DCAF12: variants seen among roughly 807,000 people sequenced by gnomAD.
The protein encoded by DCAF12 is DDB1- and CUL4-associated factor 12.
In DCAF12, 28 loss-of-function variants were observed where a neutral mutation model predicts 52.8. That is an observed-to-expected ratio of 0.53 (90% CI 0.39 to 0.73). DCAF12 has a LOEUF of 0.73. Ranked by LOEUF, DCAF12 falls within the 30% of genes least tolerant of loss-of-function variation. The probability of loss-of-function intolerance (pLI) is 0.00; values close to 1 mark genes in which losing one functional copy is unlikely to be tolerated. For missense variants in DCAF12, 425 were observed against 552.2 expected, an observed-to-expected ratio of 0.77 and a Z score of 2.31; for synonymous variants, 196 against 215.5, an observed-to-expected ratio of 0.91 and a Z score of 0.79.
chr9:34,112,516 C>T (rs143639670), intron 2 of DCAF12, among the ~76,000 whole-genome samples: 46 of 151,644 alleles, frequency 3.0e-4, no homozygotes, highest in African/African-American at 8.9e-4. Flanking sequence ...ATTGCTTGGA[C>T]CCAGGAGGTG....
At position 34,126,474 on chromosome 9, in the gene DCAF12, G is replaced by A. The variant is rs759384003; in HGVS notation, c.-43C>T. 1.4e-5 allele frequency: 23 copies of A among 1,587,726 alleles called. No homozygotes were observed. The East Asian group carries it at 4.9e-4, about 34-fold the overall frequency. ...CGGCCCCGCAGCCACATGGGGCGGGGGAAGCGAAGGATAGCAGGACGGCGG... is the reference window on the plus strand; with the variant it reads ...CGGCCCCGCAGCCACATGGGGCGGGAGAAGCGAAGGATAGCAGGACGGCGG... On this transcript the variant is annotated 5_prime_UTR_variant, in exon 1 of 9. Coordinates refer to ENST00000361264, the MANE Select transcript of DCAF12 (RefSeq NM_015397.4).
rs138849381 is a variant in DCAF12 at position 34,118,389 on chromosome 9, C to T, written c.333+6634G>A. Among the ~76,000 whole-genome samples, 70 of 152,276 alleles carry T rather than the reference C, an allele frequency of 4.6e-4. No homozygotes were observed. The East Asian group carries it at 0.012, about 27-fold the overall frequency. On this transcript the variant is annotated intron_variant, in intron 2 of 8. Transcript: ENST00000361264. ...CCTCAAGTGATCCACCTGCCTCAGC[C>T]TCCCAAAGTGCCGGGATTACCGGAG...
At chr9:34,109,454 G>T in intron 2 of DCAF12, 1 of 186,494 alleles carries the variant, frequency 5.4e-6, no homozygotes, top group East Asian at 1.3e-4. Flanking sequence ...TCACCTTGTG[G>T]GGGATTCAAT....
chr9:34,113,477 T>C (rs1044625504), intron 2 of DCAF12, among the ~76,000 whole-genome samples: 85 of 152,194 alleles, frequency 5.6e-4, no homozygotes, highest in African/African-American at 2.0e-3. Flanking sequence ...GTCGCTGGGA[T>C]GGCAGGTGCA....
chr9:34,096,790 G>A lies in DCAF12; in HGVS notation c.796-9C>T. On this transcript the variant is annotated splice_polypyrimidine_tract_variant and intron_variant, in intron 5 of 8. Transcript: ENST00000361264. Reference sequence around the variant, plus strand: ...GACACTGCTCCCAGTTCCTACAAGAGCAATGAAAACCAGGTTATATTATCA... The same window carrying A: ...GACACTGCTCCCAGTTCCTACAAGAACAATGAAAACCAGGTTATATTATCA... 6.2e-7 allele frequency: 1 copy of A among 1,613,212 alleles called. No homozygotes were observed.
chr9:34,098,574 C>T, intron 4 of DCAF12, 57 bp from the exon 5 acceptor site: 1 of 1,543,784 alleles, frequency 6.5e-7, no homozygotes, highest in Non-Finnish European at 8.8e-7. Context: ...TGGGAAATCC[C>T]ACAGACGCCA....
At chr9:34,111,301 T>C (rs1331308984) in intron 2 of DCAF12, among the ~76,000 whole-genome samples, 2 of 152,128 alleles carry the variant, frequency 1.3e-5, no homozygotes. Context: ...CTCTTTTACC[T>C]GGCCAACATG....
chr9:34,101,244 T>TA (rs981567982), intron 4 of DCAF12, among the ~76,000 whole-genome samples: 2 of 151,882 alleles, frequency 1.3e-5, no homozygotes, highest in African/African-American at 4.8e-5. Flanking sequence ...GGTAATTTTT[T>TA]ATTTTCATTT....
intron 7 of DCAF12, among the ~76,000 whole-genome samples, chr9:34,091,671 A>C (rs557865168): frequency 2.0e-5 from 3 of 151,490 alleles, no homozygotes; most frequent in African/African-American, 7.3e-5. Context: ...ACCACAAAAA[A>C]CCCAAAACAA....
intron 2 of DCAF12, 89 bp from the exon 3 acceptor site, chr9:34,107,654 A>G (rs1828926402): frequency 9.0e-7 from 1 of 1,111,568 alleles, no homozygotes; most frequent in Non-Finnish European, 1.3e-6. Context: ...CTGTTCATCA[A>G]CATTTAATTA....
chr9:34,125,886 G>C (rs1446870397), intron 1 of DCAF12, among the ~76,000 whole-genome samples: 3 of 152,178 alleles, frequency 2.0e-5, no homozygotes, highest in Non-Finnish European at 4.4e-5. Flanking sequence ...TGATACCTGG[G>C]AACTGTTGTT....
chr9:34,089,612 G>C, intron 7 of DCAF12, 22 bp from the exon 8 acceptor site: 1 of 1,584,130 alleles, frequency 6.3e-7, no homozygotes, highest in Non-Finnish European at 8.6e-7. Context: ...AAAAGTAAAA[G>C]GCAGTGAGGC....
Position 34,125,243 on chromosome 9 carries a change from CTT to C in DCAF12, c.111_112del (p.Arg38ThrfsTer22), listed in dbSNP as rs1315884838. 6.2e-7 allele frequency: 1 copy of C among 1,614,118 alleles called. No individual in the cohort carries two copies. The highest frequency in any genetic ancestry group is 1.1e-5 in the South Asian group (1 of 91,070). On this transcript the variant is annotated frameshift_variant, in exon 2 of 9. Coordinates refer to ENST00000361264, the MANE Select transcript of DCAF12 (RefSeq NM_015397.4). LOFTEE classifies it high-confidence loss of function. ...TAAGGATCTCTTCACAGGAGGAAGT[CTT>C]TTCCTTTTGTGAAGCGAGTGATCCC...
Position 34,089,270 on chromosome 9 carries a change from G to A in DCAF12, c.1203+142C>T. 3.2e-6 allele frequency: 3 copies of A among 945,150 alleles called. No homozygotes were observed. In the East Asian group the frequency reaches 8.3e-5, roughly 26 times the overall value. The allele number at this position is 945,150 out of a possible 1,614,324, so 58.5% of individuals were successfully genotyped here. ...CGTGCAGACATAAAAGCAAAATCGGGGGAAGTCTTTTCCTGTTCCAATGAG... is the reference window on the plus strand; with the variant it reads ...CGTGCAGACATAAAAGCAAAATCGGAGGAAGTCTTTTCCTGTTCCAATGAG... On this transcript the variant is annotated intron_variant, in intron 8 of 8. Coordinates refer to ENST00000361264, the MANE Select transcript of DCAF12 (RefSeq NM_015397.4).
At chr9:34,091,978 G>A (rs1828652344) in intron 7 of DCAF12, among the ~76,000 whole-genome samples, 1 of 152,070 alleles carries the variant, frequency 6.6e-6, no homozygotes, top group Admixed American at 6.6e-5. Flanking sequence ...CAGGGTTCTT[G>A]GTATGATGAA....
chr9:34,089,339 G>A (rs1410348600), intron 8 of DCAF12, 73 bp downstream of exon 8: 1 of 1,453,204 alleles, frequency 6.9e-7, no homozygotes, highest in Non-Finnish European at 9.3e-7. Flanking sequence ...GTGTGTCAGT[G>A]GGGGCTGAGA....
At position 34,107,536 on chromosome 9, in the gene DCAF12, C is replaced by T; in HGVS notation, c.363G>A (p.Gln121=). ...TLFVVDVQTS[Q]ITKIPILKDR... Reference sequence around the variant, plus strand: ...CTTTCAGAATGGGGATCTTGGTGATCTGGCTTGTCTGGACATCTACGACAA... The same window carrying T: ...CTTTCAGAATGGGGATCTTGGTGATTTGGCTTGTCTGGACATCTACGACAA... Residue 121 remains glutamine, a synonymous_variant, in exon 3 of 9, where the codon CAG becomes CAA. Transcript: ENST00000361264. 1.2e-6 allele frequency: 2 copies of T among 1,614,156 alleles called. No individual in the cohort carries two copies. The highest frequency in any genetic ancestry group is 3.3e-4 in the Middle Eastern group (2 of 6,058).
In DCAF12 at chr9:34,117,256, AT is replaced by A. The variant is rs201282914; in HGVS notation, c.333+7766del. Reference sequence around the variant, plus strand: ...GCAGTAAATTGATTTCTAATCCTTGATTTTTTTTTTTTTTGAGATGGAGCTC... The same window carrying A: ...GCAGTAAATTGATTTCTAATCCTTGATTTTTTTTTTTTTGAGATGGAGCTC... On this transcript the variant is annotated intron_variant, in intron 2 of 8. Coordinates refer to ENST00000361264, the MANE Select transcript of DCAF12 (RefSeq NM_015397.4). Among the ~76,000 whole-genome samples, 269 of 139,912 alleles carry A rather than the reference AT, an allele frequency of 1.9e-3. 1 individual carries two copies. Among genetic ancestry groups the A allele is most frequent in the African/African-American group, 3.4e-3 (130 of 38,136 alleles). 91.8% of individuals were successfully genotyped at this position (139,912 alleles called of 152,430 possible).
chr9:34,102,182 G>A (rs148189620), intron 4 of DCAF12, among the ~76,000 whole-genome samples: 3,147 of 151,518 alleles, frequency 0.021, 51 homozygotes, highest in Non-Finnish European at 0.029. Context: ...CCAGCTACCC[G>A]GGAGGCTGAG....
Sources: gnomAD v4.1 joint callset for allele counts (sites outside exome capture counted in the v4.1 genomes callset) on GRCh38, gnomAD v4.1.1 for gene constraint, MANE v1.5 for transcripts, NCBI Gene and HGNC (gene_info 2026-07-23, HGNC 2026-07-21) for gene names.